Variants in CES5A observed in about 807,000 individuals in gnomAD.
CES5A encodes the protein carboxylesterase 5A.
In CES5A, 67 loss-of-function variants were observed where a neutral mutation model predicts 62.9. The observed-to-expected ratio is 1.07, with a 90% confidence interval of 0.88 to 1.31. CES5A has a LOEUF of 1.31. Ranked by LOEUF, CES5A falls within the 50% of genes most tolerant of loss-of-function variation. The pLI is 0.00. For missense variants in CES5A, 748 were observed against 708.5 expected, an observed-to-expected ratio of 1.06 and a Z score of -0.63; for synonymous variants, 296 against 280.8, an observed-to-expected ratio of 1.05 and a Z score of -0.54.
At chr16:55,885,515 G>A (rs2033806596) in intron 1 of CES5A, among the ~76,000 whole-genome samples, 1 of 152,172 alleles carries the variant, frequency 6.6e-6, no homozygotes, top group African/African-American at 2.4e-5. Flanking sequence ...CTGCAAAGGA[G>A]AGATAACAAG....
upstream of CES5A, among the ~76,000 whole-genome samples, chr16:55,927,686 T>A (rs2142465640): frequency 6.6e-6 from 1 of 152,274 alleles, no homozygotes; most frequent in East Asian, 1.9e-4. Context: ...TGTAAATTAG[T>A]ACAACCTTTA....
chr16:55,930,562 G>A (rs1177947238), intron 2 of CES5A, among the ~76,000 whole-genome samples: 1 of 152,200 alleles, frequency 6.6e-6, no homozygotes, highest in Non-Finnish European at 1.5e-5. Context: ...TCTGCAGAGA[G>A]TCCCCACCAG....
intron 1 of CES5A, 143 bp downstream of exon 1, chr16:55,875,006 A>G: frequency 1.1e-6 from 1 of 869,846 alleles, no homozygotes; most frequent in African/African-American, 1.7e-5. Flanking sequence ...TCTCGGCAAC[A>G]GCAGAATACT....
chr16:55,934,007 G>A (rs1157026547), intron 2 of CES5A, among the ~76,000 whole-genome samples: 1 of 151,890 alleles, frequency 6.6e-6, no homozygotes, highest in African/African-American at 2.4e-5. Context: ...TTGTCTCAGG[G>A]CCCTTGCACT....
At chr16:55,862,842 G>A (rs1313834485) in intron 6 of CES5A, among the ~76,000 whole-genome samples, 12 of 152,094 alleles carry the variant, frequency 7.9e-5, no homozygotes, top group African/African-American at 2.9e-4. Context: ...GAGAGATCCT[G>A]GTCTCTAGGG....
At chr16:55,900,702 G>A (rs1479451736) in intron 1 of CES5A, among the ~76,000 whole-genome samples, 1 of 152,162 alleles carries the variant, frequency 6.6e-6, no homozygotes, top group East Asian at 1.9e-4. Context: ...CAGATTTGGG[G>A]TGAGGAACAA....
In CES5A at chr16:55,852,800, C is replaced by T; in HGVS notation, c.1273+81G>A. Reference sequence around the variant, plus strand: ...GATAGAACAGAGGCAGAGAAGGCAGCCGCTCAGTAGACAATATGGATTTCC... The same window carrying T: ...GATAGAACAGAGGCAGAGAAGGCAGTCGCTCAGTAGACAATATGGATTTCC... On this transcript the variant is annotated intron_variant, in intron 10 of 12. Transcript: ENST00000290567. The T allele has an allele frequency of 2.7e-6, 4 of 1,478,000 alleles. No homozygotes were observed. The South Asian group carries it at 3.9e-5, about 15-fold the overall frequency. 91.6% of individuals were successfully genotyped at this position (1,478,000 alleles called of 1,614,324 possible). A position where few individuals can be genotyped will look rare whatever the true frequency, so the allele number is the denominator to read the frequency against.
chr16:55,884,836 C>T (rs1343962391), intron 1 of CES5A, among the ~76,000 whole-genome samples: 2 of 152,142 alleles, frequency 1.3e-5, no homozygotes, highest in Non-Finnish European at 2.9e-5. Context: ...AAGTGATCCG[C>T]CCACCTAGGC....
At chr16:55,853,573 T>C (rs2033174501) in intron 9 of CES5A, among the ~76,000 whole-genome samples, 1 of 152,178 alleles carries the variant, frequency 6.6e-6, no homozygotes, top group Admixed American at 6.5e-5. Context: ...CTAGTTGGTC[T>C]CTTGGAGCCT....
intron 1 of CES5A, among the ~76,000 whole-genome samples, chr16:55,881,824 T>A (rs544163289): frequency 3.0e-4 from 46 of 152,252 alleles, no homozygotes; most frequent in Admixed American, 1.2e-3. Flanking sequence ...AGAAATGGGA[T>A]CCCTAGTATC....
At chr16:55,881,388 A>C (rs773230044) in intron 1 of CES5A, among the ~76,000 whole-genome samples, 1 of 152,114 alleles carries the variant, frequency 6.6e-6, no homozygotes, top group Admixed American at 6.5e-5. Context: ...ACATGCATGG[A>C]GGTTGGTCTT....
At chr16:55,911,387 T>C (rs1200301647) in intron 1 of CES5A, among the ~76,000 whole-genome samples, 3 of 152,164 alleles carry the variant, frequency 2.0e-5, no homozygotes, top group Non-Finnish European at 4.4e-5. Flanking sequence ...AATCTATTAA[T>C]AAGGACAAGA....
chr16:55,856,753 AC>A lies in CES5A; in HGVS notation c.1057-309del, dbSNP rs1249434414. Among the ~76,000 whole-genome samples the A allele has an allele frequency of 3.9e-5, 6 of 152,250 alleles. No homozygotes were observed. In the East Asian group the frequency reaches 5.8e-4, roughly 15 times the overall value. ...TCAAAATTTACACGTTGAAGCCTTA[AC>A]CCCCTGCAATTCAGAATGTGACTAT... On this transcript the variant is annotated intron_variant, in intron 8 of 12. Transcript: ENST00000290567.
intron 2 of CES5A, among the ~76,000 whole-genome samples, chr16:55,933,879 A>G (rs563578256): frequency 2.6e-5 from 4 of 152,284 alleles, no homozygotes; most frequent in Admixed American, 2.6e-4. Context: ...ACAAAGGCCT[A>G]CATACTATGA....
Position 55,885,003 on chromosome 16 carries a change from C to T in CES5A, c.-255-10966G>A, listed in dbSNP as rs567003783. On this transcript the variant is annotated intron_variant, in intron 1 of 12. Coordinates refer to the CES5A transcript ENST00000518005. ...GCCCTCCTACTACTGCTGAGAAGGGCCTTTTCTTAATCTTTCCCCAAGGCT... is the reference window on the plus strand; with the variant it reads ...GCCCTCCTACTACTGCTGAGAAGGGTCTTTTCTTAATCTTTCCCCAAGGCT... Among the ~76,000 whole-genome samples the T allele has an allele frequency of 5.9e-5, 9 of 152,236 alleles. No individual in the cohort carries two copies. In the South Asian group the frequency reaches 1.9e-3, roughly 32 times the overall value.
At chr16:55,889,636 C>CTG (rs2033853791) in intron 1 of CES5A, among the ~76,000 whole-genome samples, 2 of 151,928 alleles carry the variant, frequency 1.3e-5, no homozygotes, top group African/African-American at 4.8e-5. Context: ...GTTCAGCTAT[C>CTG]CAGAAGCTCT....
At chr16:55,896,976 T>C (rs1476264674) in intron 1 of CES5A, among the ~76,000 whole-genome samples, 3 of 152,168 alleles carry the variant, frequency 2.0e-5, no homozygotes, top group African/African-American at 7.2e-5. Context: ...AAGGAATGGA[T>C]TCACAAATGT....
At chr16:55,936,781 T>C (rs1477821233) in intron 2 of CES5A, among the ~76,000 whole-genome samples, 1 of 152,212 alleles carries the variant, frequency 6.6e-6, no homozygotes, top group Non-Finnish European at 1.5e-5. Context: ...AGCACTTCAA[T>C]GAGGAAAACA....
At chr16:55,940,174 A>AAGAAAGC (rs1331375799) in intron 2 of CES5A, among the ~76,000 whole-genome samples, 1 of 152,098 alleles carries the variant, frequency 6.6e-6, no homozygotes, top group Non-Finnish European at 1.5e-5. Flanking sequence ...AACCAGGAGA[A>AAGAAAGC]AGAAAGCAGT....
Sources: allele counts gnomAD v4.1 joint callset (sites outside exome capture counted in the v4.1 genomes callset), GRCh38; gene constraint gnomAD v4.1.1; transcripts MANE v1.5; gene names NCBI Gene and HGNC (gene_info 2026-07-23, HGNC 2026-07-21).